The following ANK3 variants were observed in gnomAD, a reference collection of about 807,000 sequenced individuals.
ANK3 encodes the protein ankyrin-3.
Under a neutral mutation model 370.9 loss-of-function variants are expected in ANK3, and 57 were observed. That is an observed-to-expected ratio of 0.15 (90% confidence interval 0.12 to 0.19). The LOEUF (loss-of-function observed/expected upper bound fraction) is 0.19, where lower values mean the gene tolerates loss of function less well. Among genes scored for constraint, ANK3 ranks in the 10% least tolerant of loss-of-function variants. ANK3 has a pLI of 1.00. For missense variants in ANK3, 4,439 were observed against 5,302.1 expected, an observed-to-expected ratio of 0.84 and a Z score of 5.06; for synonymous variants, 1,929 against 1,946.3, an observed-to-expected ratio of 0.99 and a Z score of 0.23.
At chr10:60,239,940 TAAA>T in intron 7 of ANK3, among the ~76,000 whole-genome samples, 1 of 151,224 alleles carries the variant, frequency 6.6e-6, no homozygotes, top group African/African-American at 2.4e-5. Flanking sequence ...AAAAATAAGA[TAAA>T]TTTTTATACA....
Position 60,083,482 on chromosome 10 carries a change from G to T in ANK3, c.4200+10C>A. 1 of 1,606,726 alleles carries T rather than the reference G, an allele frequency of 6.2e-7. No homozygotes were observed. The highest frequency in any genetic ancestry group is 8.5e-7 in the Non-Finnish European group (1 of 1,176,612). On this transcript the variant is annotated intron_variant, in intron 33 of 43. Coordinates refer to ENST00000280772, the MANE Select transcript of ANK3 (RefSeq NM_020987.5). ...CATAATTCACAGATTCTCTGTTAAA[G>T]ATGATTTACCTTGATGGAAAATGGC... is the stretch of plus-strand genomic sequence containing the variant.
chr10:60,587,886 G>C (rs920253166), intron 2 of ANK3, among the ~76,000 whole-genome samples: 11 of 152,036 alleles, frequency 7.2e-5, no homozygotes, highest in Non-Finnish European at 1.5e-5. Flanking sequence ...AAGAAAGAAT[G>C]ACAGTTTTAG....
In ANK3 at chr10:60,389,550, A is replaced by G; in HGVS notation, c.-12T>C. The G allele has an allele frequency of 6.2e-7, 1 of 1,613,242 alleles. No individual in the cohort carries two copies. The highest frequency in any genetic ancestry group is 8.5e-7 in the Non-Finnish European group (1 of 1,179,760). On this transcript the variant is annotated 5_prime_UTR_variant, in exon 1 of 44. Transcript: ENST00000280772. ...GCTGCATGAGCCATAATGCATTTAA[A>G]AAGATCCTCTCAAGCACACACGGCT...
At chr10:60,134,240 G>A in intron 25 of ANK3, 31 bp downstream of exon 25, 1 of 1,534,584 alleles carries the variant, frequency 6.5e-7, no homozygotes, top group African/African-American at 1.4e-5. Flanking sequence ...TAAGTTTAAT[G>A]GTCAAAGGCT....
At chr10:60,226,655 T>G (rs1381101853) in intron 8 of ANK3, among the ~76,000 whole-genome samples, 1 of 36,596 alleles carries the variant, frequency 2.7e-5, no homozygotes, top group African/African-American at 5.3e-5. Context: ...TAATATATCA[T>G]AATAAATTAT....
intron 1 of ANK3, among the ~76,000 whole-genome samples, chr10:60,698,834 A>G (rs2079505588): frequency 3.3e-5 from 5 of 151,224 alleles, no homozygotes; most frequent in Admixed American, 3.3e-4. Context: ...GTGCACCAGC[A>G]TGGCACATGT....
intron 2 of ANK3, among the ~76,000 whole-genome samples, chr10:60,546,704 T>C (rs1327041205): frequency 6.6e-6 from 1 of 152,136 alleles, no homozygotes; most frequent in Non-Finnish European, 1.5e-5. Context: ...AGGTGGAACG[T>C]ACACACAGAG....
chr10:60,425,650 G>T (rs1374137340), intron 2 of ANK3, among the ~76,000 whole-genome samples: 1 of 152,110 alleles, frequency 6.6e-6, no homozygotes, highest in Non-Finnish European at 1.5e-5. Context: ...CCCAAGGCAG[G>T]CAGTTTCCTT....
chr10:60,336,113 G>A (rs1566673765), intron 1 of ANK3, among the ~76,000 whole-genome samples: 1 of 151,938 alleles, frequency 6.6e-6, no homozygotes, highest in Admixed American at 6.6e-5. Flanking sequence ...CTGGTGCCAA[G>A]GAGCAGGCAA....
At chr10:60,190,467 GCAAAA>G (rs2132380933) in intron 16 of ANK3, among the ~76,000 whole-genome samples, 2 of 152,164 alleles carry the variant, frequency 1.3e-5, no homozygotes, top group African/African-American at 4.8e-5. Context: ...AAAAATAAAA[GCAAAA>G]CAAAACAGAC....
chr10:60,395,624 C>CTT (rs60220666), intron 2 of ANK3, among the ~76,000 whole-genome samples: 4,568 of 58,838 alleles, frequency 0.078, 134 homozygotes, highest in East Asian at 0.12. Context: ...TTCGTTCTCT[C>CTT]TCTCTCTCTC....
At chr10:60,049,129 A>G (rs965747006) in intron 42 of ANK3, among the ~76,000 whole-genome samples, 5 of 152,214 alleles carry the variant, frequency 3.3e-5, no homozygotes, top group African/African-American at 1.2e-4. Context: ...ATAGCTTCCA[A>G]TGATGATTAT....
rs776768218 is a variant in ANK3 at position 60,070,235 on chromosome 10, C to T, written c.10646G>A (p.Arg3549Gln). ...ACTGTCAAAAACTTCATCATCCCCTCGGTTATTAGACCAAGGGTCAAAATC... is the reference window on the plus strand; with the variant it reads ...ACTGTCAAAAACTTCATCATCCCCTTGGTTATTAGACCAAGGGTCAAAATC... ...GLDFDPWSNNRGDDEVFDSKS... is the reference protein window; with the variant it reads ...GLDFDPWSNNQGDDEVFDSKS... The change falls in exon 37 of 44, where the codon CGA becomes CAA. Residue 3549 changes from arginine to glutamine, a missense_variant. This residue lies in a region of ANK3 where 1,601 missense variants were observed against 1,731.7 expected (regional missense o/e 0.92). Transcript: ENST00000280772. This position sits in a 1 kb window ranked among gnomAD's most constrained non-coding sequence, Gnocchi z 5.7. 35 of 1,613,992 alleles carry T rather than the reference C, an allele frequency of 2.2e-5. No homozygotes were observed. The highest frequency in any genetic ancestry group is 8.3e-5 in the Admixed American group (5 of 59,994).
intron 1 of ANK3, among the ~76,000 whole-genome samples, chr10:60,360,787 AT>A (rs1226305621): frequency 4.0e-5 from 6 of 151,680 alleles, no homozygotes; most frequent in Admixed American, 6.6e-5. Context: ...AAGCTTAAAG[AT>A]TTTTTTTTGA....
intron 6 of ANK3, among the ~76,000 whole-genome samples, chr10:60,263,123 T>C (rs1244510848): frequency 1.3e-5 from 2 of 152,106 alleles, no homozygotes; most frequent in East Asian, 3.9e-4. Flanking sequence ...TATATATATA[T>C]ACCTCTGTTG....
At chr10:60,146,018 T>C (rs1024596236) in intron 23 of ANK3, 2 of 1,324,394 alleles carry the variant, frequency 1.5e-6, no homozygotes, top group African/African-American at 1.5e-5. Context: ...TGTGCATCTA[T>C]TACCTATTCA....
intron 1 of ANK3, among the ~76,000 whole-genome samples, chr10:60,332,392 G>A (rs1235902879): frequency 2.6e-5 from 4 of 152,148 alleles, no homozygotes; most frequent in East Asian, 3.9e-4. Context: ...ATATTCTAAT[G>A]CAAAGTATGA....
intron 1 of ANK3, among the ~76,000 whole-genome samples, chr10:60,697,792 A>G (rs537392542): frequency 1.3e-5 from 2 of 152,280 alleles, no homozygotes; most frequent in South Asian, 2.1e-4. Context: ...ACCTAAAACT[A>G]TAAAAACCCT....
At chr10:60,546,418 A>G (rs2076966340) in intron 2 of ANK3, among the ~76,000 whole-genome samples, 1 of 152,118 alleles carries the variant, frequency 6.6e-6, no homozygotes, top group Admixed American at 6.6e-5. Context: ...TCTTTATTCC[A>G]TTTTTATCCT....
Sources: allele counts gnomAD v4.1 joint callset (sites outside exome capture counted in the v4.1 genomes callset), GRCh38; gene constraint gnomAD v4.1.1; regional missense constraint gnomAD v4.1.1; non-coding constraint Gnocchi (gnomAD v3.1); transcripts MANE v1.5; gene names NCBI Gene and HGNC (gene_info 2026-07-23, HGNC 2026-07-21).